The following AUH variants were observed in gnomAD, a reference collection of about 807,000 sequenced individuals.
AUH encodes methylglutaconyl-CoA hydratase, mitochondrial.
A neutral mutation model predicts 42.3 loss-of-function variants in AUH; 29 were observed. That is an observed-to-expected ratio of 0.69 (90% CI 0.51 to 0.93). The LOEUF (loss-of-function observed/expected upper bound fraction) is 0.93, where lower values mean the gene tolerates loss of function less well. Among genes scored for constraint, AUH ranks in the 40% least tolerant of loss-of-function variants. AUH has a pLI of 0.00. For synonymous variants in AUH, 174 were observed against 166.4 expected (o/e 1.05, Z -0.35); for missense variants, 452 against 438.1 (o/e 1.03, Z -0.28).
intron 6 of AUH, among the ~76,000 whole-genome samples, chr9:91,259,784 CAG>C (rs1482926093): frequency 6.6e-6 from 1 of 152,056 alleles, no homozygotes; most frequent in Non-Finnish European, 1.5e-5. Context: ...CCACTGGTGT[CAG>C]AGAATATATT....
chr9:91,291,329 G>A (rs1021545178), intron 6 of AUH, among the ~76,000 whole-genome samples: 4 of 151,974 alleles, frequency 2.6e-5, no homozygotes, highest in Admixed American at 1.3e-4. Flanking sequence ...GGGTGGAGGC[G>A]GCATGCCATC....
chr9:91,355,928 G>A lies in AUH; in HGVS notation c.373C>T (p.Arg125Trp), dbSNP rs200030276. ...ACTTCACTCCTGATTATTATGGTCCGTACTTTCTTATCAGATTTCAAAGCA... is the reference window on the plus strand; with the variant it reads ...ACTTCACTCCTGATTATTATGGTCCATACTTTCTTATCAGATTTCAAAGCA... ...VDALKSDKKV[R>W]TIIIRSEVPG... Residue 125 changes from arginine to tryptophan, a missense_variant, in exon 3 of 10, where the codon CGG (arginine) becomes TGG (tryptophan). Physicochemically the swap from Arg to Trp is moderately radical, Grantham distance 101. Transcript: ENST00000375731. The A allele has an allele frequency of 9.9e-6, 16 of 1,612,778 alleles. No homozygotes were observed. The highest frequency in any genetic ancestry group is 1.6e-4 in the Middle Eastern group (1 of 6,078).
At chr9:91,273,850 G>T (rs1231738769) in intron 6 of AUH, among the ~76,000 whole-genome samples, 5 of 152,110 alleles carry the variant, frequency 3.3e-5, no homozygotes, top group Admixed American at 2.6e-4. Context: ...AACAATTTTT[G>T]CCACTTTAAT....
At chr9:91,280,453 A>T (rs1825875114) in intron 6 of AUH, among the ~76,000 whole-genome samples, 2 of 152,366 alleles carry the variant, frequency 1.3e-5, no homozygotes, top group East Asian at 3.9e-4. Flanking sequence ...AGCAATTTTT[A>T]AAAATGAGAG....
intron 3 of AUH, among the ~76,000 whole-genome samples, chr9:91,345,535 T>C (rs1244227908): frequency 6.6e-6 from 1 of 151,922 alleles, no homozygotes; most frequent in East Asian, 1.9e-4. Context: ...GTATTGGCAT[T>C]AAAAATACCC....
At chr9:91,360,176 AT>A (rs1443858420) in intron 1 of AUH, 1 of 152,222 alleles carries the variant, frequency 6.6e-6, no homozygotes, top group Non-Finnish European at 1.5e-5. Context: ...GACCAAAAAA[AT>A]AGAATATGGT....
Position 91,217,409 on chromosome 9 carries a change from C to T in AUH, c.844-82G>A, listed in dbSNP as rs180921881. The T allele has an allele frequency of 4.6e-5, 66 of 1,444,808 alleles. No individual in the cohort carries two copies. In the African/African-American group the frequency reaches 8.0e-4, roughly 18 times the overall value. The allele number at this position is 1,444,808 out of a possible 1,614,324, so 89.5% of individuals were successfully genotyped here. ...ATATCTCAGTAAAATTCAGAATTCCCACCACTGGATCCATTGCACAGCCAG... is the reference window on the plus strand; with the variant it reads ...ATATCTCAGTAAAATTCAGAATTCCTACCACTGGATCCATTGCACAGCCAG... On this transcript the variant is annotated intron_variant, in intron 7 of 9. Coordinates refer to ENST00000375731, the MANE Select transcript of AUH (RefSeq NM_001698.3).
chr9:91,272,724 G>T (rs1218677833), intron 6 of AUH, among the ~76,000 whole-genome samples: 2 of 152,052 alleles, frequency 1.3e-5, no homozygotes, highest in Non-Finnish European at 2.9e-5. Context: ...AAGGCTGGGG[G>T]TTTGTCTCTG....
At chr9:91,353,968 A>G (rs1832209409) in intron 3 of AUH, among the ~76,000 whole-genome samples, 3 of 151,712 alleles carry the variant, frequency 2.0e-5, no homozygotes, top group African/African-American at 7.3e-5. Flanking sequence ...GGAATTCAAG[A>G]CCAGCCTGGC....
At chr9:91,353,510 A>G (rs1302153243) in intron 3 of AUH, among the ~76,000 whole-genome samples, 2 of 152,202 alleles carry the variant, frequency 1.3e-5, no homozygotes, top group African/African-American at 2.4e-5. Flanking sequence ...TATAGGCTGT[A>G]AGTTTAAATA....
intron 6 of AUH, among the ~76,000 whole-genome samples, chr9:91,272,561 T>C (rs1254502536): frequency 6.6e-6 from 1 of 152,176 alleles, no homozygotes; most frequent in Non-Finnish European, 1.5e-5. Context: ...CCATCAGGAT[T>C]CATCTGAAAA....
rs1829852178 is a variant in AUH, at chr9:91,324,753, C to A, written c.505+565G>T. ...TATAATTTTGTAGAATTTATTAATA[C>A]TAAAATATAAAATGAACAAATGATA... On this transcript the variant is annotated intron_variant, in intron 4 of 9. Coordinates refer to ENST00000375731, the MANE Select transcript of AUH (RefSeq NM_001698.3). 2.7e-5 allele frequency among the ~76,000 whole-genome samples: 4 copies of A among 150,348 alleles called. No homozygotes were observed. In the South Asian group the frequency reaches 8.4e-4, roughly 31 times the overall value.
At chr9:91,230,223 T>C (rs1048322267) in intron 6 of AUH, among the ~76,000 whole-genome samples, 1 of 152,160 alleles carries the variant, frequency 6.6e-6, no homozygotes, top group Admixed American at 6.5e-5. Flanking sequence ...TCTTTTCACA[T>C]AGTCCCATAT....
In AUH at chr9:91,284,065, CTA is replaced by C. The variant is rs1178325555; in HGVS notation, c.655+11954_655+11955del. 3.3e-5 allele frequency among the ~76,000 whole-genome samples: 5 copies of C among 151,960 alleles called. No homozygotes were observed. The South Asian group carries it at 8.3e-4, about 25-fold the overall frequency. On this transcript the variant is annotated intron_variant, in intron 6 of 9. Coordinates refer to ENST00000375731, the MANE Select transcript of AUH (RefSeq NM_001698.3). ...TCATGCTACCTGACTTCAAACTATA[CTA>C]TGAGGCCACAGTAACCAAAACAGCA...
At chr9:91,283,672 A>T (rs1242347390) in intron 6 of AUH, among the ~76,000 whole-genome samples, 1 of 152,210 alleles carries the variant, frequency 6.6e-6, no homozygotes, top group Non-Finnish European at 1.5e-5. Context: ...CCAATAACAG[A>T]CAAACAGAGA....
chr9:91,239,752 C>T (rs1305796060), intron 6 of AUH, among the ~76,000 whole-genome samples: 3 of 150,534 alleles, frequency 2.0e-5, no homozygotes, highest in South Asian at 2.1e-4. Context: ...CACGCACACA[C>T]ACACATGCAC....
At chr9:91,307,761 A>T (rs1411264105) in intron 4 of AUH, among the ~76,000 whole-genome samples, 1 of 152,234 alleles carries the variant, frequency 6.6e-6, no homozygotes, top group African/African-American at 2.4e-5. Flanking sequence ...GTGTATGTAC[A>T]GGAAAAAACA....
At chr9:91,311,229 ATTTC>A (rs986614367) in intron 4 of AUH, among the ~76,000 whole-genome samples, 1 of 150,790 alleles carries the variant, frequency 6.6e-6, no homozygotes, top group Non-Finnish European at 1.5e-5. Context: ...AAATTAAATT[ATTTC>A]TTTCTATAAA....
chr9:91,242,463 G>A (rs530974006), intron 6 of AUH, among the ~76,000 whole-genome samples: 19 of 152,320 alleles, frequency 1.2e-4, no homozygotes, highest in African/African-American at 3.8e-4. Context: ...AAAAGAATAT[G>A]TGAACCACTT....
Sources: gnomAD v4.1 joint callset for allele counts (sites outside exome capture counted in the v4.1 genomes callset) on GRCh38, gnomAD v4.1.1 for gene constraint, MANE v1.5 for transcripts, NCBI Gene and HGNC (gene_info 2026-07-23, HGNC 2026-07-21) for gene names.